COL8A1: variants seen among roughly 807,000 people sequenced by gnomAD.
The protein encoded by COL8A1 is collagen alpha-1(VIII) chain.
COL8A1 carries 21 observed loss-of-function variants against 42.7 expected under a neutral mutation model. The ratio of observed to expected loss-of-function variants is 0.49; its 90% CI spans 0.35 to 0.71. COL8A1 has a LOEUF of 0.71. COL8A1 is among the 30% of genes least tolerant of loss of function. COL8A1 has a pLI of 0.01. For missense variants in COL8A1, 788 were observed against 962.4 expected (o/e 0.82, Z 2.40); for synonymous variants, 367 against 369.1 (o/e 0.99, Z 0.06).
At chr3:99,650,117 A>G (rs1394858761) in intron 1 of COL8A1, among the ~76,000 whole-genome samples, 2 of 152,188 alleles carry the variant, frequency 1.3e-5, no homozygotes, top group Admixed American at 6.5e-5. Flanking sequence ...CTGATGGGCT[A>G]CTACTCCCCC....
intron 1 of COL8A1, among the ~76,000 whole-genome samples, chr3:99,693,861 C>A (rs1014262765): frequency 1.2e-4 from 19 of 152,226 alleles, no homozygotes; most frequent in African/African-American, 4.3e-4. Flanking sequence ...AGAGCAACTT[C>A]AAGTCCTACA....
At chr3:99,707,944 T>C (rs1291822877) in intron 1 of COL8A1, among the ~76,000 whole-genome samples, 3 of 152,094 alleles carry the variant, frequency 2.0e-5, no homozygotes, top group Non-Finnish European at 4.4e-5. Flanking sequence ...AGGGAGAGGT[T>C]AGGTGACCGC....
chr3:99,725,642 A>G lies in COL8A1; in HGVS notation c.-128-19255A>G, dbSNP rs190785350. ...CATGTGTTCTCATCGTTCAATTCCC[A>G]CCTATAAGTGAGAACATGTGGTGTT... On this transcript the variant is annotated intron_variant, in intron 1 of 3. Coordinates refer to ENST00000652472, the MANE Select transcript of COL8A1 (RefSeq NM_020351.4). Among the ~76,000 whole-genome samples the G allele has an allele frequency of 1.1e-4, 14 of 132,226 alleles. No homozygotes were observed. The East Asian group carries it at 3.2e-3, about 30-fold the overall frequency. 86.7% of individuals were successfully genotyped at this position (132,226 alleles called of 152,430 possible). A position where few individuals can be genotyped will look rare whatever the true frequency, so the allele number is the denominator to read the frequency against.
intron 1 of COL8A1, among the ~76,000 whole-genome samples, chr3:99,689,718 C>G (rs1209272271): frequency 1.3e-5 from 2 of 152,036 alleles, no homozygotes; most frequent in African/African-American, 2.4e-5. Flanking sequence ...TTAAAAGTTT[C>G]TCAATATTAG....
chr3:99,679,895 A>G (rs1307608172), intron 1 of COL8A1: 1 of 152,214 alleles, frequency 6.6e-6, no homozygotes, highest in Non-Finnish European at 1.5e-5. Context: ...TAATACCACA[A>G]AAACTTCCAT....
chr3:99,662,395 A>AT (rs1212384734), intron 1 of COL8A1, among the ~76,000 whole-genome samples: 2 of 151,892 alleles, frequency 1.3e-5, no homozygotes, highest in Admixed American at 6.6e-5. Flanking sequence ...AAAAAAAAAA[A>AT]AATACAATAA....
At chr3:99,767,282 C>G (rs190539648) in intron 2 of COL8A1, among the ~76,000 whole-genome samples, 4 of 152,294 alleles carry the variant, frequency 2.6e-5, no homozygotes, top group Admixed American at 2.6e-4. Flanking sequence ...TAGAGCTCCT[C>G]AGACACAAGG....
chr3:99,704,389 A>G (rs1166326006), intron 1 of COL8A1, among the ~76,000 whole-genome samples: 1 of 152,158 alleles, frequency 6.6e-6, no homozygotes, highest in Non-Finnish European at 1.5e-5. Flanking sequence ...TGTCAGAAGG[A>G]CAAGGCTTAT....
intron 2 of COL8A1, among the ~76,000 whole-genome samples, chr3:99,780,154 C>A (rs1293701249): frequency 1.3e-5 from 2 of 152,154 alleles, no homozygotes; most frequent in Non-Finnish European, 2.9e-5. Context: ...ATATTAGACA[C>A]TGTTGTAAGC....
intron 1 of COL8A1, among the ~76,000 whole-genome samples, chr3:99,697,217 A>G (rs990772873): frequency 6.6e-6 from 1 of 151,474 alleles, no homozygotes; most frequent in Admixed American, 6.6e-5. Flanking sequence ...CGATCTCCTG[A>G]CCTCGTGATC....
intron 2 of COL8A1, among the ~76,000 whole-genome samples, chr3:99,769,340 C>A (rs1181606165): frequency 2.0e-5 from 3 of 152,212 alleles, no homozygotes; most frequent in Non-Finnish European, 4.4e-5. Context: ...AGACTGCCAT[C>A]ATTTTACCAG....
chr3:99,656,106 T>C (rs1938013797), intron 1 of COL8A1, among the ~76,000 whole-genome samples: 1 of 152,208 alleles, frequency 6.6e-6, no homozygotes, highest in South Asian at 2.1e-4. Context: ...AAACATTATG[T>C]ATTTTAAGTA....
At chr3:99,762,498 C>T (rs1431721451) in intron 2 of COL8A1, among the ~76,000 whole-genome samples, 3 of 152,152 alleles carry the variant, frequency 2.0e-5, no homozygotes, top group Non-Finnish European at 2.9e-5. Context: ...GTTCTGAATG[C>T]GAAGATGCAG....
intron 1 of COL8A1, among the ~76,000 whole-genome samples, chr3:99,733,126 T>C (rs1372419024): frequency 1.3e-5 from 2 of 150,968 alleles, no homozygotes; most frequent in East Asian, 2.0e-4. Context: ...TTCTTTTTTT[T>C]TTTTTTTTAA....
At chr3:99,757,178 A>C (rs1170485504) in intron 2 of COL8A1, among the ~76,000 whole-genome samples, 1 of 152,162 alleles carries the variant, frequency 6.6e-6, no homozygotes, top group East Asian at 1.9e-4. Flanking sequence ...TAAATTGCTG[A>C]ATTTAAAGGG....
chr3:99,748,447 G>A (rs970585355), intron 2 of COL8A1, among the ~76,000 whole-genome samples: 2 of 151,986 alleles, frequency 1.3e-5, no homozygotes, highest in Non-Finnish European at 2.9e-5. Flanking sequence ...ATGTTGAAAT[G>A]ATATTTTTAA....
intron 1 of COL8A1, among the ~76,000 whole-genome samples, chr3:99,707,778 T>G (rs1338884069): frequency 6.6e-6 from 1 of 152,198 alleles, no homozygotes; most frequent in Non-Finnish European, 1.5e-5. Flanking sequence ...TCTCTGTCCA[T>G]GTATATATGT....
intron 1 of COL8A1, among the ~76,000 whole-genome samples, chr3:99,696,569 G>C (rs1220121187): frequency 6.6e-6 from 1 of 152,224 alleles, no homozygotes; most frequent in African/African-American, 2.4e-5. Context: ...CCTCTGAGGG[G>C]ACAGGCAGAC....
chr3:99,647,374 A>G (rs117166168), intron 1 of COL8A1, among the ~76,000 whole-genome samples: 1 of 152,286 alleles, frequency 6.6e-6, no homozygotes, highest in East Asian at 1.9e-4. Flanking sequence ...GATTTCTAAA[A>G]CCCAGGGGAA....
Sources: gnomAD v4.1 joint callset for allele counts (sites outside exome capture counted in the v4.1 genomes callset) on GRCh38, gnomAD v4.1.1 for gene constraint, MANE v1.5 for transcripts, NCBI Gene and HGNC (gene_info 2026-07-23, HGNC 2026-07-21) for gene names.